CNTN4: variants seen among roughly 807,000 people sequenced by gnomAD.
The protein encoded by CNTN4 is contactin 4, also known as contactin-4.
A neutral mutation model predicts 122.5 loss-of-function variants in CNTN4; 77 were observed. The observed-to-expected ratio is 0.63, with a 90% CI of 0.52 to 0.76. CNTN4 has a LOEUF of 0.76. Among genes scored for constraint, CNTN4 ranks in the 30% least tolerant of loss-of-function variants. The pLI is 0.00. For synonymous variants in CNTN4, 512 were observed against 447.0 expected, an observed-to-expected ratio of 1.15 and a Z score of -1.83; for missense variants, 1,256 against 1,259.1, an observed-to-expected ratio of 1.00 and a Z score of 0.04.
In CNTN4 at chr3:3,019,716, G is replaced by A. The variant is rs551720598; in HGVS notation, c.1487-6386G>A. ...TGTGTGTCTGTGTGTGTGTGTAGGT[G>A]TATTTGTGTGTATATGGTAGGGAGA... is the stretch of plus-strand genomic sequence containing the variant. On this transcript the variant is annotated intron_variant, in intron 14 of 24. Coordinates refer to ENST00000418658, the MANE Select transcript of CNTN4 (RefSeq NM_175607.3). Among the ~76,000 whole-genome samples, 12 of 150,378 alleles carry A rather than the reference G, an allele frequency of 8.0e-5. No homozygotes were observed. In the East Asian group the frequency reaches 2.2e-3, roughly 27 times the overall value.
At chr3:2,924,129 A>C (rs1240027535) in intron 12 of CNTN4, among the ~76,000 whole-genome samples, 2 of 152,112 alleles carry the variant, frequency 1.3e-5, no homozygotes, top group Non-Finnish European at 2.9e-5. Context: ...CCAGGTGTAC[A>C]TTGCATGGCC....
chr3:2,926,442 A>T (rs2094474140), intron 13 of CNTN4, among the ~76,000 whole-genome samples: 1 of 152,228 alleles, frequency 6.6e-6, no homozygotes, highest in Admixed American at 6.5e-5. Flanking sequence ...AGCTTGCACG[A>T]AATGGCAGGT....
intron 6 of CNTN4, among the ~76,000 whole-genome samples, chr3:2,787,112 C>T (rs916178037): frequency 1.3e-5 from 2 of 152,140 alleles, no homozygotes; most frequent in African/African-American, 4.8e-5. Flanking sequence ...CGCGGTGGCT[C>T]ATACCTGTAA....
chr3:2,211,868 A>G (rs181653693), intron 2 of CNTN4, among the ~76,000 whole-genome samples: 1 of 152,318 alleles, frequency 6.6e-6, no homozygotes, highest in African/African-American at 2.4e-5. Context: ...CATATACTGT[A>G]TAGGGTATGT....
intron 4 of CNTN4, among the ~76,000 whole-genome samples, chr3:2,656,064 A>G (rs940582447): frequency 1.3e-5 from 2 of 152,226 alleles, no homozygotes; most frequent in East Asian, 1.9e-4. Flanking sequence ...ATTGTCCTCG[A>G]GGCATTAGAA....
intron 2 of CNTN4, among the ~76,000 whole-genome samples, chr3:2,260,879 C>T (rs765741567): frequency 1.2e-4 from 18 of 151,682 alleles, no homozygotes; most frequent in Non-Finnish European, 2.6e-4. Context: ...AGGTGCCCAC[C>T]GCCACGCTTG....
At chr3:2,795,241 G>C (rs978448634) in intron 6 of CNTN4, among the ~76,000 whole-genome samples, 1 of 152,114 alleles carries the variant, frequency 6.6e-6, no homozygotes. Context: ...AAATTAGGCA[G>C]ATTAAATACC....
intron 3 of CNTN4, among the ~76,000 whole-genome samples, chr3:2,424,784 T>C (rs1276123244): frequency 6.6e-6 from 1 of 152,206 alleles, no homozygotes; most frequent in Non-Finnish European, 1.5e-5. Flanking sequence ...GGCGTCTCAT[T>C]GCGGTTTTGA....
chr3:3,042,294 C>A lies in CNTN4; in HGVS notation c.2399-16C>A, dbSNP rs751101250. On this transcript the variant is annotated splice_polypyrimidine_tract_variant and intron_variant, in intron 20 of 24. Transcript: ENST00000418658. ...ATAGCTGATAGAGTAATAACTATCT[C>A]CATATTCATCTACAGAACCCACCAA... The A allele has an allele frequency of 7.1e-6, 11 of 1,552,238 alleles. No individual in the cohort carries two copies. In the African/African-American group the frequency reaches 1.2e-4, roughly 17 times the overall value.
At chr3:2,728,538 C>G (rs2088406750) in intron 4 of CNTN4, among the ~76,000 whole-genome samples, 1 of 152,214 alleles carries the variant, frequency 6.6e-6, no homozygotes. Flanking sequence ...TTCCTTTTCC[C>G]TGGTGACTTT....
intron 2 of CNTN4, among the ~76,000 whole-genome samples, chr3:2,298,410 T>C (rs1435578343): frequency 6.6e-6 from 1 of 152,156 alleles, no homozygotes; most frequent in Non-Finnish European, 1.5e-5. Flanking sequence ...ACTTATCAAA[T>C]TATCTAATTA....
At chr3:2,117,294 T>C (rs1278040848) in intron 2 of CNTN4, among the ~76,000 whole-genome samples, 1 of 152,190 alleles carries the variant, frequency 6.6e-6, no homozygotes, top group Non-Finnish European at 1.5e-5. Context: ...TTACAAAGGA[T>C]ACAGATGAAG....
chr3:2,843,342 TACCTTCA>T (rs1559569489), intron 7 of CNTN4, among the ~76,000 whole-genome samples: 1 of 152,136 alleles, frequency 6.6e-6, no homozygotes, highest in African/African-American at 2.4e-5. Flanking sequence ...CAACTCTCCC[TACCTTCA>T]ACCATTGCAA....
chr3:2,180,173 G>C (rs2036950802), intron 2 of CNTN4, among the ~76,000 whole-genome samples: 1 of 151,672 alleles, frequency 6.6e-6, no homozygotes, highest in Non-Finnish European at 1.5e-5. Context: ...TTCCTAATCT[G>C]GTAAATAATA....
chr3:3,049,939 G>A (rs995455956), intron 23 of CNTN4, among the ~76,000 whole-genome samples: 8 of 152,240 alleles, frequency 5.3e-5, no homozygotes, highest in East Asian at 3.9e-4. Flanking sequence ...ATTCTGGATC[G>A]CACTTTTGTA....
At chr3:2,689,450 G>A (rs952016714) in intron 4 of CNTN4, among the ~76,000 whole-genome samples, 1 of 152,086 alleles carries the variant, frequency 6.6e-6, no homozygotes, top group African/African-American at 2.4e-5. Context: ...GACTCCCACA[G>A]AACCACATTT....
intron 3 of CNTN4, among the ~76,000 whole-genome samples, chr3:2,541,777 C>T (rs2078040124): frequency 1.3e-5 from 2 of 152,094 alleles, no homozygotes; most frequent in South Asian, 2.1e-4. Context: ...CTGAGGGAGG[C>T]TGTACTGGTG....
chr3:2,483,856 G>C (rs535074773), intron 3 of CNTN4, among the ~76,000 whole-genome samples: 1 of 152,068 alleles, frequency 6.6e-6, no homozygotes, highest in Non-Finnish European at 1.5e-5. Flanking sequence ...TCATAGCAGC[G>C]TGAGAACAGA....
chr3:2,292,428 A>C (rs1301981228), intron 2 of CNTN4, among the ~76,000 whole-genome samples: 1 of 152,106 alleles, frequency 6.6e-6, no homozygotes, highest in Non-Finnish European at 1.5e-5. Context: ...GTTTTATTGA[A>C]TTTTTCAGGA....
Sources: gnomAD v4.1 joint callset for allele counts (sites outside exome capture counted in the v4.1 genomes callset) on GRCh38, gnomAD v4.1.1 for gene constraint, MANE v1.5 for transcripts, NCBI Gene and HGNC (gene_info 2026-07-23, HGNC 2026-07-21) for gene names.